Variants in DNAJC6 observed in about 807,000 individuals in gnomAD.
DNAJC6 encodes the protein auxilin.
DNAJC6 carries 34 observed loss-of-function variants against 110.0 expected under a neutral mutation model. The ratio of observed to expected loss-of-function variants is 0.31; its 90% CI spans 0.24 to 0.41. The LOEUF is 0.41. Among genes scored for constraint, DNAJC6 ranks in the 10% least tolerant of loss-of-function variants. The pLI is 1.00. For missense variants in DNAJC6, 1,031 were observed against 1,207.8 expected (o/e 0.85, Z 2.17); for synonymous variants, 406 against 437.2 (o/e 0.93, Z 0.89).
At chr1:65,272,045 C>T (rs1398721405) in intron 1 of DNAJC6, among the ~76,000 whole-genome samples, 2 of 152,048 alleles carry the variant, frequency 1.3e-5, no homozygotes, top group African/African-American at 4.8e-5. Flanking sequence ...GATCCTTATA[C>T]TTTTTCCCCT....
rs2101635567 is a variant in DNAJC6 at position 65,406,152 on chromosome 1, G to T, written c.2491+19G>T. ...AATTTGGGTAAGGATAATGGTATGG[G>T]ACCTAGCTATGGGGCAGCCTGTCTA... On this transcript the variant is annotated intron_variant, in intron 16 of 18. Transcript: ENST00000371069. 1 of 1,603,692 alleles carries T rather than the reference G, an allele frequency of 6.2e-7. No individual in the cohort carries two copies. The highest frequency in any genetic ancestry group is 1.1e-5 in the South Asian group (1 of 89,750).
intron 14 of DNAJC6, 21 bp from the exon 15 acceptor site, chr1:65,401,740 A>G (rs745979150): frequency 7.5e-6 from 12 of 1,596,078 alleles, no homozygotes; most frequent in Non-Finnish European, 1.0e-5. Context: ...CTCATTTTCA[A>G]TGACCTTATT....
chr1:65,390,977 G>A (rs1243755913), intron 11 of DNAJC6, among the ~76,000 whole-genome samples: 1 of 152,106 alleles, frequency 6.6e-6, no homozygotes, highest in African/African-American at 2.4e-5. Flanking sequence ...GATAATTCCT[G>A]TAGACTCTGA....
chr1:65,396,698 A>G (rs1394299249), intron 13 of DNAJC6, among the ~76,000 whole-genome samples: 3 of 152,072 alleles, frequency 2.0e-5, no homozygotes, highest in Admixed American at 1.3e-4. Context: ...GCAGTAATTA[A>G]CTTATGTGTT....
At chr1:65,379,257 T>G (rs571929055) in intron 4 of DNAJC6, 145 bp from the exon 5 acceptor site, 2 of 904,032 alleles carry the variant, frequency 2.2e-6, no homozygotes, top group South Asian at 4.6e-5. Context: ...CTCTTCTTCA[T>G]GCATTTGGAC....
chr1:65,398,987 T>C (rs1646005527), intron 14 of DNAJC6, 106 bp downstream of exon 14: 2 of 1,138,094 alleles, frequency 1.8e-6, no homozygotes, highest in East Asian at 2.5e-5. Context: ...CCTGTGTAAT[T>C]TGTGTCACTT....
upstream of DNAJC6, among the ~76,000 whole-genome samples, chr1:65,306,972 T>TTCTCTCTCTC (rs144458447): frequency 3.3e-5 from 3 of 90,414 alleles, no homozygotes; most frequent in Admixed American, 1.2e-4. Flanking sequence ...CTCAATCTGT[T>TTCTCTCTCTC]TCTCTCTCTC....
chr1:65,343,072 T>C (rs72679469), intron 1 of DNAJC6, among the ~76,000 whole-genome samples: 529 of 152,310 alleles, frequency 3.5e-3, no homozygotes, highest in Non-Finnish European at 6.0e-3. Context: ...CTGAGCATCA[T>C]TCACCTTTGC....
chr1:65,395,115 G>T, intron 13 of DNAJC6, 83 bp downstream of exon 13: 1 of 1,362,812 alleles, frequency 7.3e-7, no homozygotes, highest in Non-Finnish European at 9.6e-7. Context: ...AAAGCACCCT[G>T]TGGGTGCTTT....
At position 65,330,257 on chromosome 1, in the gene DNAJC6, A is replaced by G. The variant is rs995249828; in HGVS notation, c.193+20319A>G. Among the ~76,000 whole-genome samples, 5 of 152,158 alleles carry G rather than the reference A, an allele frequency of 3.3e-5. No individual in the cohort carries two copies. In the South Asian group the frequency reaches 8.3e-4, roughly 25 times the overall value. The stretch of plus-strand genomic sequence containing the variant: ...AATATTCCAAATTCGGGTTGATTGC[A>G]TGGAGTTCAACAGAGGATGTTTAAT... On this transcript the variant is annotated intron_variant, in intron 1 of 18. Coordinates refer to ENST00000371069, the MANE Select transcript of DNAJC6 (RefSeq NM_001256864.2).
chr1:65,406,158 G>C, intron 16 of DNAJC6, 25 bp downstream of exon 16: 1 of 1,598,194 alleles, frequency 6.3e-7, no homozygotes, highest in African/African-American at 1.3e-5. Flanking sequence ...ATGGGACCTA[G>C]CTATGGGGCA....
rs181726927 is a variant in DNAJC6 at position 65,407,415 on chromosome 1, A to C, written c.2492-1226A>C. Among the ~76,000 whole-genome samples, 375 of 152,302 alleles carry C rather than the reference A, an allele frequency of 2.5e-3. 2 individuals carry two copies. The highest frequency in any genetic ancestry group is 8.0e-3 in the African/African-American group (333 of 41,566). On this transcript the variant is annotated intron_variant, in intron 16 of 18. Transcript: ENST00000371069. ...CGCATATCATAGGAAGCTGTGACAC[A>C]GATCGATGAAGTAATTTCCTAAGTT...
chr1:65,383,660 T>A (rs2101596852), intron 5 of DNAJC6, among the ~76,000 whole-genome samples: 1 of 152,268 alleles, frequency 6.6e-6, no homozygotes, highest in Admixed American at 6.5e-5. Flanking sequence ...CCTAATACCA[T>A]CACATTGGGG....
chr1:65,306,996 CTCTCTCTCTCTCTCTCTCTCTCTA>C (rs1391920645), upstream of DNAJC6, among the ~76,000 whole-genome samples: 11 of 122,492 alleles, frequency 9.0e-5, no homozygotes, highest in Non-Finnish European at 1.4e-4. Context: ...CTCTCTCTCT[CTCTCTCTCTCTCTCTCTCTCTCTA>C]TATATATATA....
chr1:65,314,484 T>C (rs1645130251), intron 1 of DNAJC6, among the ~76,000 whole-genome samples: 2 of 152,118 alleles, frequency 1.3e-5, no homozygotes, highest in Admixed American at 6.5e-5. Flanking sequence ...ATATAACTTA[T>C]TTTTTATTTT....
intron 1 of DNAJC6, among the ~76,000 whole-genome samples, chr1:65,267,848 G>A (rs1297328587): frequency 6.6e-6 from 1 of 151,544 alleles, no homozygotes; most frequent in Non-Finnish European, 1.5e-5. Flanking sequence ...AGATGGGTAT[G>A]TGTTGACAGA....
intron 13 of DNAJC6, among the ~76,000 whole-genome samples, chr1:65,398,073 A>G (rs1269722350): frequency 6.6e-6 from 1 of 152,196 alleles, no homozygotes; most frequent in Non-Finnish European, 1.5e-5. Context: ...GATTTTATAG[A>G]TGTGTAAAAA....
chr1:65,275,120 A>G (rs1653626927), intron 1 of DNAJC6, among the ~76,000 whole-genome samples: 1 of 152,160 alleles, frequency 6.6e-6, no homozygotes, highest in Non-Finnish European at 1.5e-5. Flanking sequence ...TGATTGTTTT[A>G]TGGAATAAAT....
At chr1:65,333,829 A>G (rs1038897710) in intron 1 of DNAJC6, among the ~76,000 whole-genome samples, 1 of 152,230 alleles carries the variant, frequency 6.6e-6, no homozygotes, top group African/African-American at 2.4e-5. Flanking sequence ...GTGTTTGATT[A>G]TATCATGTCA....
Sources: allele counts gnomAD v4.1 joint callset (sites outside exome capture counted in the v4.1 genomes callset), GRCh38; gene constraint gnomAD v4.1.1; transcripts MANE v1.5; gene names NCBI Gene and HGNC (gene_info 2026-07-23, HGNC 2026-07-21).